The following CSNK1G1 variants were observed in gnomAD, a reference collection of about 807,000 sequenced individuals.
CSNK1G1 encodes casein kinase 1 gamma 1.
A neutral mutation model predicts 59.6 loss-of-function variants in CSNK1G1; 22 were observed. The ratio of observed to expected loss-of-function variants is 0.37; its 90% CI spans 0.26 to 0.53. The LOEUF (loss-of-function observed/expected upper bound fraction) is 0.53, where lower values mean the gene tolerates loss of function less well. Among genes scored for constraint, CSNK1G1 ranks in the 20% least tolerant of loss-of-function variants. CSNK1G1 has a pLI of 0.89. For missense variants in CSNK1G1, 384 were observed against 519.5 expected (o/e 0.74, Z 2.54); for synonymous variants, 179 against 177.1 (o/e 1.01, Z -0.08).
chr15:64,222,283 G>C (rs2140277357), intron 4 of CSNK1G1, among the ~76,000 whole-genome samples: 1 of 151,076 alleles, frequency 6.6e-6, no homozygotes, highest in South Asian at 2.1e-4. Flanking sequence ...TTGGTGGATG[G>C]GGGGTCGGGG....
At position 64,229,902 on chromosome 15, in the gene CSNK1G1, ATTTTTTTTTT is replaced by A. The variant is rs533868270; in HGVS notation, c.293-13199_293-13190del. On this transcript the variant is annotated intron_variant, in intron 4 of 11. Coordinates refer to ENST00000303052, the MANE Select transcript of CSNK1G1 (RefSeq NM_022048.5). ...CCTATATTTTTGGGCATGTTTGTAA[ATTTTTTTTTT>A]TTTTTTTTTTTTTTTTTTTTTTTTT... Among the ~76,000 whole-genome samples the A allele has an allele frequency of 4.9e-3, 214 of 43,804 alleles. 1 individual carries two copies. Among genetic ancestry groups the A allele is most frequent in the South Asian group, 0.011 (9 of 854 alleles). 28.7% of individuals were successfully genotyped at this position (43,804 alleles called of 152,430 possible).
chr15:64,318,193 G>A (rs1451758973), intron 1 of CSNK1G1, among the ~76,000 whole-genome samples: 2 of 151,670 alleles, frequency 1.3e-5, no homozygotes, highest in Admixed American at 1.3e-4. Flanking sequence ...TAATGGCTTT[G>A]TAGTTGTGGC....
At chr15:64,334,876 C>A (rs1566951759) in intron 1 of CSNK1G1, among the ~76,000 whole-genome samples, 1 of 152,172 alleles carries the variant, frequency 6.6e-6, no homozygotes, top group Non-Finnish European at 1.5e-5. Flanking sequence ...CTTCAGGACC[C>A]CTGTTTTATC....
rs1448136794 is a variant in CSNK1G1, at chr15:64,167,916, CTT to C, written c.*4013_*4014del. The C allele has an allele frequency of 6.6e-6, 1 of 152,232 alleles. No individual in the cohort carries two copies. The highest frequency in any genetic ancestry group is 1.5e-5 in the Non-Finnish European group (1 of 68,036). 9.4% of individuals were successfully genotyped at this position (152,232 alleles called of 1,614,324 possible). On this transcript the variant is annotated 3_prime_UTR_variant, in exon 12 of 12. Coordinates refer to ENST00000303052, the MANE Select transcript of CSNK1G1 (RefSeq NM_022048.5). ...TACATAAAAAAGTTAAGGCTATAAT[CTT>C]TAGTAACCACTTTGACGTTACATTA...
chr15:64,198,860 G>A (rs942337698), intron 10 of CSNK1G1, among the ~76,000 whole-genome samples: 2 of 151,996 alleles, frequency 1.3e-5, no homozygotes, highest in African/African-American at 4.8e-5. Context: ...ATTTTACCCA[G>A]CAAGGATTCA....
chr15:64,259,083 A>C (rs1892549637), intron 3 of CSNK1G1, 118 bp downstream of exon 3: 4 of 777,966 alleles, frequency 5.1e-6, no homozygotes, highest in Admixed American at 3.1e-5. Flanking sequence ...GATCATACAC[A>C]AAAAAAACCC....
At chr15:64,327,536 T>G (rs1402718755) in intron 1 of CSNK1G1, among the ~76,000 whole-genome samples, 4 of 130,730 alleles carry the variant, frequency 3.1e-5, no homozygotes, top group African/African-American at 5.9e-5. Context: ...ATCACCATCA[T>G]CAAAGACCAA....
chr15:64,195,734 C>T (rs549692755), intron 10 of CSNK1G1, among the ~76,000 whole-genome samples: 7 of 152,218 alleles, frequency 4.6e-5, no homozygotes, highest in South Asian at 4.1e-4. Context: ...GATTGTAATA[C>T]GCAGTTCTTT....
At chr15:64,283,206 T>G (rs2140371093) in intron 2 of CSNK1G1, among the ~76,000 whole-genome samples, 1 of 152,310 alleles carries the variant, frequency 6.6e-6, no homozygotes, top group Non-Finnish European at 1.5e-5. Context: ...AAAAAATCCT[T>G]TGCCTATTCT....
At position 64,278,410 on chromosome 15, in the gene CSNK1G1, GTGTGTGTGTATATA is replaced by G. The variant is rs1212043563; in HGVS notation, c.182-19183_182-19170del. Among the ~76,000 whole-genome samples, 181 of 114,966 alleles carry G rather than the reference GTGTGTGTGTATATA, an allele frequency of 1.6e-3. 3 individuals are homozygous for G. The highest frequency in any genetic ancestry group is 1.5e-3 in the Non-Finnish European group (88 of 58,180). 75.4% of individuals were successfully genotyped at this position (114,966 alleles called of 152,430 possible). On this transcript the variant is annotated intron_variant, in intron 2 of 11. Coordinates refer to ENST00000303052, the MANE Select transcript of CSNK1G1 (RefSeq NM_022048.5). ...TGTGTGTGTGTGTGTGTGTGTGTGT[GTGTGTGTGTATATA>G]TATATATATTTTTTTTTTTTTGGAC...
At chr15:64,353,505 GATGTGGTGGC>G (rs1898438506) in intron 1 of CSNK1G1, among the ~76,000 whole-genome samples, 1 of 152,066 alleles carries the variant, frequency 6.6e-6, no homozygotes, top group Admixed American at 6.5e-5. Context: ...AAATTAGCTG[GATGTGGTGGC>G]ATGTGCCTGT....
intron 6 of CSNK1G1, among the ~76,000 whole-genome samples, chr15:64,209,616 A>C (rs1442864603): frequency 6.6e-6 from 1 of 152,208 alleles, no homozygotes; most frequent in Non-Finnish European, 1.5e-5. Flanking sequence ...CTTTGTCTAC[A>C]TGGCTTGTCT....
chr15:64,322,274 T>C (rs1252085919), intron 1 of CSNK1G1, among the ~76,000 whole-genome samples: 1 of 152,176 alleles, frequency 6.6e-6, no homozygotes, highest in Non-Finnish European at 1.5e-5. Context: ...TGTTCAACAG[T>C]TAAACCTTTT....
At chr15:64,212,875 G>A (rs1335250163) in intron 6 of CSNK1G1, among the ~76,000 whole-genome samples, 3 of 151,890 alleles carry the variant, frequency 2.0e-5, no homozygotes, top group Non-Finnish European at 2.9e-5. Context: ...GTGTGGTGAT[G>A]CATGCCTGTA....
At chr15:64,320,398 G>A (rs1896496365) in intron 1 of CSNK1G1, among the ~76,000 whole-genome samples, 1 of 152,062 alleles carries the variant, frequency 6.6e-6, no homozygotes, top group Admixed American at 6.6e-5. Flanking sequence ...AAAATATGGG[G>A]CCGGGCACAG....
At chr15:64,245,433 T>C (rs753399400) in intron 4 of CSNK1G1, among the ~76,000 whole-genome samples, 2 of 152,206 alleles carry the variant, frequency 1.3e-5, no homozygotes, top group African/African-American at 2.4e-5. Context: ...AATAATAATC[T>C]GATTTAAAAA....
intron 1 of CSNK1G1, among the ~76,000 whole-genome samples, chr15:64,310,766 G>T (rs1749135890): frequency 6.6e-6 from 1 of 152,064 alleles, no homozygotes; most frequent in Non-Finnish European, 1.5e-5. Flanking sequence ...CAGCACTTTG[G>T]GAGGCCGAGG....
chr15:64,195,203 A>G lies in CSNK1G1; in HGVS notation c.1107+7879T>C, dbSNP rs1248857419. 3 of 152,258 alleles carry G rather than the reference A, an allele frequency of 2.0e-5. No individual in the cohort carries two copies. In the East Asian group the frequency reaches 5.8e-4, roughly 29 times the overall value. The allele number at this position is 152,258 out of a possible 1,614,324, so 9.4% of individuals were successfully genotyped here. ...TGCTACACATACAAAAACACAAAAA[A>G]GAGTAAGTGACATTTTGGGGTAGGA... On this transcript the variant is annotated intron_variant, in intron 10 of 11. Coordinates refer to ENST00000303052, the MANE Select transcript of CSNK1G1 (RefSeq NM_022048.5).
intron 2 of CSNK1G1, among the ~76,000 whole-genome samples, chr15:64,271,014 G>A (rs145401297): frequency 0.042 from 6,438 of 151,828 alleles, 158 homozygotes; most frequent in South Asian, 0.079. Context: ...ACAGAGTCTC[G>A]CTCTGTCTCC....
Sources: gnomAD v4.1 joint callset for allele counts (sites outside exome capture counted in the v4.1 genomes callset) on GRCh38, gnomAD v4.1.1 for gene constraint, MANE v1.5 for transcripts, NCBI Gene and HGNC (gene_info 2026-07-23, HGNC 2026-07-21) for gene names.